Variants in GATA2 observed in about 807,000 individuals in gnomAD.
GATA2 encodes the protein GATA binding protein 2, also known as endothelial transcription factor GATA-2.
GATA2 carries 6 observed loss-of-function variants against 35.7 expected under a neutral mutation model. The observed-to-expected ratio is 0.17, with a 90% CI of 0.09 to 0.33. GATA2 has a LOEUF of 0.33. Among genes scored for constraint, GATA2 ranks in the 10% least tolerant of loss-of-function variants. GATA2 has a pLI of 1.00. For missense variants in GATA2, 541 were observed against 656.6 expected (o/e 0.82, Z 1.92); for synonymous variants, 313 against 274.9 (o/e 1.14, Z -1.37).
At chr3:128,481,692 C>T (rs765035053) in intron 5 of GATA2, 127 bp downstream of exon 5, 1 of 1,186,592 alleles carries the variant, frequency 8.4e-7, no homozygotes, top group Non-Finnish European at 1.2e-6. Flanking sequence ...CCTTCTGGCG[C>T]TCACTCAGGG....
rs1180549278 is a variant in GATA2, at chr3:128,485,923, A to G, written c.675T>C (p.Ser225=). ...CTAGGCCTGGGCGCAGGGGACTGCC[A>G]CTTTCCATCTTCATGCTCTCCGTCA... ...VSLTESMKME[S]GSPLRPGLAT... is the part of the protein sequence containing the mutation. Residue 225 remains serine, a synonymous_variant, in exon 3 of 6, where the codon AGT becomes AGC. Transcript: ENST00000341105. 1 of 1,614,010 alleles carries G rather than the reference A, an allele frequency of 6.2e-7. No homozygotes were observed. Among genetic ancestry groups the G allele is most frequent in the Non-Finnish European group, 8.5e-7 (1 of 1,180,018 alleles).
intron 3 of GATA2, 130 bp from the exon 4 acceptor site, chr3:128,484,135 C>A: frequency 8.9e-7 from 1 of 1,124,590 alleles, no homozygotes; most frequent in Non-Finnish European, 1.3e-6. Flanking sequence ...CTGGGCCTGG[C>A]TGCAACAGCC....
Position 128,481,060 on chromosome 3 carries a change from C to T in GATA2, c.1402G>A (p.Gly468Ser), listed in dbSNP as rs777726701. 18 of 1,598,654 alleles carry T rather than the reference C, an allele frequency of 1.1e-5. No homozygotes were observed. Among genetic ancestry groups the T allele is most frequent in the Non-Finnish European group, 1.5e-5 (17 of 1,170,932 alleles). The change falls in exon 6 of 6, where the codon GGC (glycine) becomes AGC (serine). Residue 468 changes from glycine (G) to serine (S), a missense_variant. By Grantham distance (56) the Gly-to-Ser change is moderately conservative. This residue lies in a region of GATA2 where 95 missense variants were observed against 114.0 expected (regional missense o/e 0.83). Transcript: ENST00000341105. ...ACCATGCTGGACGGGTGGGGGTGGC[C>T]GAAGGAGAGGCTGGAGGAGGGGTGG... ...PIHPSSSLSFGHPHPSSMVTA... is the reference protein window; with the variant it reads ...PIHPSSSLSFSHPHPSSMVTA...
chr3:128,484,763 G>C (rs956101357), intron 3 of GATA2, among the ~76,000 whole-genome samples: 12 of 152,140 alleles, frequency 7.9e-5, no homozygotes, highest in Admixed American at 3.3e-4. Flanking sequence ...AGGACCCTGA[G>C]CCGGGGCTCA....
At chr3:128,483,779 T>G in intron 4 of GATA2, 81 bp downstream of exon 4, 1 of 1,579,312 alleles carries the variant, frequency 6.3e-7, no homozygotes. Context: ...GCGTCTGCAT[T>G]TGAAGGAGTT....
At position 128,488,680 on chromosome 3, in the gene GATA2, C is replaced by G. The variant is rs1454221896; in HGVS notation, c.-45-1604G>C. 2 of 152,130 alleles carry G rather than the reference C, an allele frequency of 1.3e-5. No homozygotes were observed. Among genetic ancestry groups the G allele is most frequent in the African/African-American group, 2.4e-5 (1 of 41,434 alleles). The allele number at this position is 152,130 out of a possible 1,614,324, so 9.4% of individuals were successfully genotyped here. On this transcript the variant is annotated intron_variant, in intron 1 of 5. Transcript: ENST00000341105. The surrounding 1 kb of genome is among the most constrained non-coding windows in gnomAD (Gnocchi z 5.8). ...CCAGCTGGAGGGAGACGCCCCCGGG[C>G]AAGAGGTGGCATTTTTTTTCCTCCG...
In GATA2 at chr3:128,486,245, A is replaced by G. The variant is rs2068697596; in HGVS notation, c.353T>C (p.Val118Ala). The G allele has an allele frequency of 1.3e-6, 2 of 1,565,120 alleles. No individual in the cohort carries two copies. Among genetic ancestry groups the G allele is most frequent in the Non-Finnish European group, 1.7e-6 (2 of 1,155,008 alleles). ...CAGTGGCGTCTTGGAGAAGGGGCTC[A>G]CGGTCCAGGGGTTGTGGTGGTGGGC... ...AAAHHHNPWTVSPFSKTPLHP... is the reference protein window; with the variant it reads ...AAAHHHNPWTASPFSKTPLHP... Residue 118 changes from valine to alanine, a missense_variant, in exon 3 of 6, where the codon GTG (valine) becomes GCG (alanine). Around this residue, in one of 5 missense-constraint regions of GATA2, gnomAD observed 389 missense variants for 396.9 expected, o/e 0.98. Transcript: ENST00000341105.
At position 128,486,385 on chromosome 3, in the gene GATA2, A is replaced by G. The variant is rs570049792; in HGVS notation, c.230-17T>C. 52 of 1,594,168 alleles carry G rather than the reference A, an allele frequency of 3.3e-5. 1 individual carries two copies. The South Asian group carries it at 5.3e-4, about 16-fold the overall frequency. On this transcript the variant is annotated splice_polypyrimidine_tract_variant and intron_variant, in intron 2 of 5. Transcript: ENST00000341105. ...TCAGGCGGGCTGCGGGCAAAGAGAG[A>G]GAGGATCAGGGTGGGCAGAAAGATC...
At chr3:128,481,992 C>T (rs765163478) in intron 4 of GATA2, 48 bp from the exon 5 acceptor site, 11 of 1,606,300 alleles carry the variant, frequency 6.8e-6, no homozygotes, top group African/African-American at 4.0e-5. Context: ...ACGCCCACCT[C>T]GACCCCCCTC....
chr3:128,487,174 A>C, intron 1 of GATA2, 98 bp from the exon 2 acceptor site: 1 of 669,140 alleles, frequency 1.5e-6, no homozygotes, highest in Non-Finnish European at 2.5e-6. Context: ...CCCAGCCCAG[A>C]TCCGGCGAGA....
Position 128,481,074 on chromosome 3 carries a change from G to T in GATA2, c.1388C>A (p.Ser463Tyr). The change falls in exon 6 of 6, where the codon TCC (serine) becomes TAC (tyrosine). Residue 463 changes from serine to tyrosine, a missense_variant. By Grantham distance (144) the Ser-to-Tyr change is moderately radical. Transcript: ENST00000341105. ...GTGGGGGTGGCCGAAGGAGAGGCTG[G>T]AGGAGGGGTGGATGGGCGTCGGAGT... ...LPTPTPIHPS[S>Y]SLSFGHPHPS... 2.5e-6 allele frequency: 4 copies of T among 1,606,670 alleles called. No individual in the cohort carries two copies. The South Asian group carries it at 4.4e-5, about 18-fold the overall frequency.
In GATA2 at chr3:128,483,156, G is replaced by A. The variant is rs980111298; in HGVS notation, c.1017+704C>T. On this transcript the variant is annotated intron_variant, in intron 4 of 5. Transcript: ENST00000341105. ...CGATTTAAGCCTCATAAATCACTTC[G>A]CCCTGAAAAAATATATTTATTATTC... 4.6e-5 allele frequency among the ~76,000 whole-genome samples: 7 copies of A among 152,310 alleles called. No homozygotes were observed. Among genetic ancestry groups the A allele is most frequent in the Admixed American group, 3.3e-4 (5 of 15,294 alleles).
Position 128,486,121 on chromosome 3 carries a change from G to A in GATA2, c.477C>T (p.Leu159=), listed in dbSNP as rs761892289. 4 of 1,611,228 alleles carry A rather than the reference G, an allele frequency of 2.5e-6. No homozygotes were observed. Among genetic ancestry groups the A allele is most frequent in the Admixed American group, 1.7e-5 (1 of 59,702 alleles). ...GGGSGSSVAS[L]TPTAAHSGSH... ...AGCCAGAGTGGGCTGCTGTAGGGGT[G>A]AGGGAGGCCACTGAGCTCCCGCTGC... Residue 159 remains leucine (L), a synonymous_variant, in exon 3 of 6, where the codon CTC becomes CTT. Coordinates refer to ENST00000341105, the MANE Select transcript of GATA2 (RefSeq NM_032638.5).
At position 128,485,599 on chromosome 3, in the gene GATA2, T is replaced by C. The variant is rs1011511791; in HGVS notation, c.871+128A>G. 99 of 1,186,716 alleles carry C rather than the reference T, an allele frequency of 8.3e-5. No homozygotes were observed. In the Middle Eastern group the frequency reaches 9.8e-4, roughly 12 times the overall value. The allele number at this position is 1,186,716 out of a possible 1,614,324, so 73.5% of individuals were successfully genotyped here. A position where few individuals can be genotyped will look rare whatever the true frequency, so the allele number is the denominator to read the frequency against. ...GGTCTCAAACATCTGCTGGGGGCTA[T>C]TAGAGCGAGACATCACCCATCCCCA... On this transcript the variant is annotated intron_variant, in intron 3 of 5. Transcript: ENST00000341105.
intron 1 of GATA2, 44 bp from the exon 2 acceptor site, chr3:128,487,120 AC>A (rs1559988273): frequency 5.2e-6 from 6 of 1,149,998 alleles, no homozygotes; most frequent in East Asian, 2.6e-5. Flanking sequence ...AGCGCCTGAC[AC>A]CCCCCAAAGT....
At chr3:128,482,825 A>C (rs767798389) in intron 4 of GATA2, among the ~76,000 whole-genome samples, 18 of 152,228 alleles carry the variant, frequency 1.2e-4, no homozygotes, top group Admixed American at 2.6e-4. Context: ...GGTTCCACCA[A>C]CGCCAGCCCC....
chr3:128,486,395 G>A (rs1346490602), intron 2 of GATA2, 27 bp from the exon 3 acceptor site: 1 of 1,589,516 alleles, frequency 6.3e-7, no homozygotes, highest in Non-Finnish European at 8.5e-7. Flanking sequence ...AGAGGATCAG[G>A]GTGGGCAGAA....
Position 128,487,093 on chromosome 3 carries a change from G to C in GATA2, c.-45-17C>G. ...GCAACGGCCCTGCGCGAGGAAGGGG[G>C]AGTGAGGCGTGCCGCCAGCGCCTGA... On this transcript the variant is annotated splice_polypyrimidine_tract_variant and intron_variant, in intron 1 of 5. Transcript: ENST00000341105. 7.2e-7 allele frequency: 1 copy of C among 1,385,788 alleles called. No homozygotes were observed. Among genetic ancestry groups the C allele is most frequent in the South Asian group, 1.3e-5 (1 of 74,166 alleles). 85.8% of individuals were successfully genotyped at this position (1,385,788 alleles called of 1,614,324 possible).
Position 128,487,034 on chromosome 3 carries a change from C to CCGGCGG in GATA2, c.-9_-4dup. 1 of 1,567,092 alleles carries CCGGCGG rather than the reference C, an allele frequency of 6.4e-7. No homozygotes were observed. Among genetic ancestry groups the CCGGCGG allele is most frequent in the East Asian group, 2.3e-5 (1 of 42,906 alleles). ...GGCTGCTCGGGCGCCACCTCCATGGCCGGCGGCGGCGGCTCAGGGTCTGGG... is the reference window on the plus strand; with the variant it reads ...GGCTGCTCGGGCGCCACCTCCATGGCCGGCGGCGGCGGCGGCGGCTCAGGGTCTGGG... On this transcript the variant is annotated 5_prime_UTR_variant, in exon 2 of 6. Coordinates refer to ENST00000341105, the MANE Select transcript of GATA2 (RefSeq NM_032638.5).
Sources: allele counts gnomAD v4.1 joint callset (sites outside exome capture counted in the v4.1 genomes callset), GRCh38; gene constraint gnomAD v4.1.1; regional missense constraint gnomAD v4.1.1; non-coding constraint Gnocchi (gnomAD v3.1); transcripts MANE v1.5; gene names NCBI Gene and HGNC (gene_info 2026-07-23, HGNC 2026-07-21).